SPATS2L: variants seen among roughly 807,000 people sequenced by gnomAD.
SPATS2L encodes the protein SPATS2-like protein.
SPATS2L carries 30 observed loss-of-function variants against 59.6 expected under a neutral mutation model. That is an observed-to-expected ratio of 0.50 (90% CI 0.38 to 0.68). The LOEUF is 0.68. SPATS2L is among the 30% of genes least tolerant of loss of function. SPATS2L has a pLI of 0.00. For missense variants in SPATS2L, 615 were observed against 700.0 expected, an observed-to-expected ratio of 0.88 and a Z score of 1.37; for synonymous variants, 252 against 263.5, an observed-to-expected ratio of 0.96 and a Z score of 0.42.
intron 12 of SPATS2L, among the ~76,000 whole-genome samples, chr2:200,475,722 T>C (rs1391105413): frequency 2.6e-5 from 4 of 152,242 alleles, no homozygotes; most frequent in Admixed American, 1.3e-4. Context: ...ACTCTTGCTC[T>C]AGGCTCTGAA....
At chr2:200,357,798 G>C (rs529387577) in intron 2 of SPATS2L, among the ~76,000 whole-genome samples, 1 of 152,116 alleles carries the variant, frequency 6.6e-6, no homozygotes. Context: ...TAAAGTCTTC[G>C]TAGTTAATTT....
chr2:200,407,127 G>A lies in SPATS2L; in HGVS notation c.40-5184G>A, dbSNP rs545358297. Among the ~76,000 whole-genome samples the A allele has an allele frequency of 9.2e-5, 14 of 151,864 alleles. No individual in the cohort carries two copies. The South Asian group carries it at 2.7e-3, about 29-fold the overall frequency. ...CACTTTTTTCTTTTTAAAATCTATTGAGTAGCTAATATATGCCAAATTCTA... is the reference window on the plus strand; with the variant it reads ...CACTTTTTTCTTTTTAAAATCTATTAAGTAGCTAATATATGCCAAATTCTA... On this transcript the variant is annotated intron_variant, in intron 3 of 12. Coordinates refer to ENST00000409140, the MANE Select transcript of SPATS2L (RefSeq NM_001100423.2).
At chr2:200,337,111 C>G (rs2080168419) in intron 2 of SPATS2L, among the ~76,000 whole-genome samples, 1 of 152,184 alleles carries the variant, frequency 6.6e-6, no homozygotes, top group African/African-American at 2.4e-5. Flanking sequence ...GTGCCTCACA[C>G]TGTTTACAAG....
At chr2:200,406,410 A>T (rs977188380) in intron 3 of SPATS2L, among the ~76,000 whole-genome samples, 12 of 131,528 alleles carry the variant, frequency 9.1e-5, no homozygotes, top group Non-Finnish European at 9.6e-5. Context: ...GCACAAGTTT[A>T]AAAAAAAAAA....
intron 3 of SPATS2L, among the ~76,000 whole-genome samples, chr2:200,394,654 G>C (rs781317518): frequency 6.6e-6 from 1 of 152,150 alleles, no homozygotes; most frequent in Non-Finnish European, 1.5e-5. Flanking sequence ...TCCCATTTAC[G>C]ATGTTTTGCA....
chr2:200,415,389 G>T lies in SPATS2L; in HGVS notation c.149-990G>T, dbSNP rs1212492780. ...AAAGACCAGCCTGAAATTTATCTTT[G>T]TTTGGCCAACATACTCCTTTTAGAG... On this transcript the variant is annotated intron_variant, in intron 4 of 12. Coordinates refer to ENST00000409140, the MANE Select transcript of SPATS2L (RefSeq NM_001100423.2). 2.0e-5 allele frequency among the ~76,000 whole-genome samples: 3 copies of T among 152,056 alleles called. No homozygotes were observed. The East Asian group carries it at 5.8e-4, about 29-fold the overall frequency.
intron 2 of SPATS2L, among the ~76,000 whole-genome samples, chr2:200,351,508 A>G (rs1168278601): frequency 6.6e-6 from 1 of 152,224 alleles, no homozygotes; most frequent in Non-Finnish European, 1.5e-5. Context: ...TTACCTTGTC[A>G]GTAACTTTTC....
intron 4 of SPATS2L, 38 bp downstream of exon 4, chr2:200,412,457 C>A: frequency 8.4e-7 from 1 of 1,196,770 alleles, no homozygotes; most frequent in Non-Finnish European, 1.2e-6. Flanking sequence ...AGATGTTAGA[C>A]TTAAATATTC....
intron 2 of SPATS2L, among the ~76,000 whole-genome samples, chr2:200,359,608 A>G (rs1414585937): frequency 2.0e-5 from 3 of 152,186 alleles, no homozygotes; most frequent in Non-Finnish European, 4.4e-5. Flanking sequence ...GCCAACTTCT[A>G]TCCCATTTGT....
chr2:200,392,078 C>G (rs949326975), intron 3 of SPATS2L, among the ~76,000 whole-genome samples: 5 of 152,118 alleles, frequency 3.3e-5, no homozygotes. Context: ...ATATACCATT[C>G]CTAAAATCCT....
intron 1 of SPATS2L, among the ~76,000 whole-genome samples, chr2:200,307,217 G>A (rs1231019469): frequency 6.6e-6 from 1 of 151,622 alleles, no homozygotes; most frequent in East Asian, 2.0e-4. Context: ...GCGAGCGTGT[G>A]GCCGCCGCGC....
chr2:200,319,862 C>T (rs2079506984), intron 1 of SPATS2L, among the ~76,000 whole-genome samples: 1 of 152,226 alleles, frequency 6.6e-6, no homozygotes, highest in South Asian at 2.1e-4. Context: ...GAGGACTTTA[C>T]ATACATTTAT....
intron 4 of SPATS2L, among the ~76,000 whole-genome samples, chr2:200,413,399 C>T (rs918886489): frequency 2.0e-5 from 3 of 152,146 alleles, no homozygotes; most frequent in Non-Finnish European, 4.4e-5. Flanking sequence ...TACGTTTATC[C>T]TATAATTTAC....
chr2:200,317,912 A>G (rs2079433100), intron 1 of SPATS2L, among the ~76,000 whole-genome samples: 1 of 152,210 alleles, frequency 6.6e-6, no homozygotes, highest in Non-Finnish European at 1.5e-5. Context: ...TTGTTGGAGC[A>G]GTTTTTTCCT....
rs759950845 is a variant in SPATS2L at position 200,397,249 on chromosome 2, T to A, written c.39+7966T>A. ...GTTAATGCTAAAGAATACAAGAGCA[T>A]GTCGAAAATGAAACCCTGTGGCAGC... On this transcript the variant is annotated intron_variant, in intron 3 of 12. Transcript: ENST00000409140. 8.5e-5 allele frequency among the ~76,000 whole-genome samples: 13 copies of A among 152,344 alleles called. No homozygotes were observed. The South Asian group carries it at 1.0e-3, about 12-fold the overall frequency.
intron 2 of SPATS2L, chr2:200,373,136 C>T (rs1259121486): frequency 1.3e-5 from 2 of 152,146 alleles, no homozygotes; most frequent in Non-Finnish European, 2.9e-5. Flanking sequence ...TTTTTCCCCA[C>T]CATACAGCAT....
chr2:200,408,483 T>C (rs2082765068), intron 3 of SPATS2L, among the ~76,000 whole-genome samples: 1 of 152,190 alleles, frequency 6.6e-6, no homozygotes, highest in South Asian at 2.1e-4. Context: ...GGGTCTTTGC[T>C]GATCACACAG....
chr2:200,357,205 G>C (rs1436313030), intron 2 of SPATS2L, among the ~76,000 whole-genome samples: 2 of 152,186 alleles, frequency 1.3e-5, no homozygotes, highest in African/African-American at 4.8e-5. Flanking sequence ...TTTGGGGCCA[G>C]ATTTTTTTGG....
At chr2:200,322,946 G>C (rs1486908767) in intron 1 of SPATS2L, among the ~76,000 whole-genome samples, 1 of 152,142 alleles carries the variant, frequency 6.6e-6, no homozygotes, top group African/African-American at 2.4e-5. Context: ...TAGCCTTTGA[G>C]CTTGCTCATT....
Sources: allele counts gnomAD v4.1 joint callset (sites outside exome capture counted in the v4.1 genomes callset), GRCh38; gene constraint gnomAD v4.1.1; transcripts MANE v1.5; gene names NCBI Gene and HGNC (gene_info 2026-07-23, HGNC 2026-07-21).